The following DEPDC7 variants were observed in gnomAD, a reference collection of about 807,000 sequenced individuals.
DEPDC7 encodes DEP domain-containing protein 7.
Under a neutral mutation model 56.6 loss-of-function variants are expected in DEPDC7, and 41 were observed. The observed-to-expected ratio is 0.72, with a 90% confidence interval of 0.56 to 0.94. DEPDC7 has a LOEUF of 0.94. Among genes scored for constraint, DEPDC7 ranks in the 40% least tolerant of loss-of-function variants. The pLI, the probability that DEPDC7 is intolerant of heterozygous loss-of-function variation, is 0.00. For synonymous variants in DEPDC7, 185 were observed against 208.8 expected (o/e 0.89, Z 0.98); for missense variants, 522 against 596.3 (o/e 0.88, Z 1.30).
chr11:33,021,916 G>A (rs1235578656), intron 1 of DEPDC7, among the ~76,000 whole-genome samples: 1 of 152,134 alleles, frequency 6.6e-6, no homozygotes, highest in Non-Finnish European at 1.5e-5. Context: ...TAATTCTTCT[G>A]TGAAGATTAG....
At chr11:33,023,098 G>A (rs1242217493) in intron 1 of DEPDC7, among the ~76,000 whole-genome samples, 3 of 151,840 alleles carry the variant, frequency 2.0e-5, no homozygotes, top group Non-Finnish European at 2.9e-5. Context: ...GCGTGGTGGC[G>A]GGCACCTGTA....
At chr11:33,021,577 C>G (rs1395518621) in intron 1 of DEPDC7, among the ~76,000 whole-genome samples, 1 of 152,164 alleles carries the variant, frequency 6.6e-6, no homozygotes, top group Admixed American at 6.5e-5. Context: ...AGCAGGTTAT[C>G]CTGGTATGGG....
rs1853577452 is a variant in DEPDC7 at position 33,026,276 on chromosome 11, CT to C, written c.464+229del. The stretch of plus-strand genomic sequence containing the variant: ...CAGTCAACACACTTTGATTTTCCTG[CT>C]TCAGGTTATAGTTGCAGTGTAAAAA... On this transcript the variant is annotated intron_variant, in intron 2 of 8. Coordinates refer to ENST00000241051, the MANE Select transcript of DEPDC7 (RefSeq NM_001077242.2). The C allele has an allele frequency of 1.8e-5, 10 of 550,968 alleles. No individual in the cohort carries two copies. The Admixed American group carries it at 3.1e-4, about 17-fold the overall frequency. 34.1% of individuals were successfully genotyped at this position (550,968 alleles called of 1,614,324 possible). A position where few individuals can be genotyped will look rare whatever the true frequency, so the allele number is the denominator to read the frequency against.
At chr11:33,019,715 T>C (rs1853503546) in intron 1 of DEPDC7, among the ~76,000 whole-genome samples, 1 of 152,124 alleles carries the variant, frequency 6.6e-6, no homozygotes, top group South Asian at 2.1e-4. Flanking sequence ...AATTAACAAC[T>C]AACAAATATT....
At chr11:33,017,433 T>C (rs921863697) in intron 1 of DEPDC7, among the ~76,000 whole-genome samples, 9 of 152,122 alleles carry the variant, frequency 5.9e-5, no homozygotes, top group Non-Finnish European at 1.3e-4. Flanking sequence ...TTAGATGGTG[T>C]AAGGAAGTAT....
intron 2 of DEPDC7, 100 bp from the exon 3 acceptor site, chr11:33,027,586 C>T: frequency 2.7e-6 from 3 of 1,094,142 alleles, no homozygotes; most frequent in East Asian, 3.0e-5. Context: ...TGTGTTTTTG[C>T]TCTGAAATGC....
intron 1 of DEPDC7, among the ~76,000 whole-genome samples, chr11:33,017,457 A>G: frequency 6.6e-6 from 1 of 152,312 alleles, no homozygotes; most frequent in East Asian, 1.9e-4. Flanking sequence ...TTCAGAAATT[A>G]AGTAGATAAC....
At chr11:33,023,499 T>A (rs945220320) in intron 1 of DEPDC7, among the ~76,000 whole-genome samples, 7 of 152,202 alleles carry the variant, frequency 4.6e-5, no homozygotes, top group Non-Finnish European at 8.8e-5. Context: ...GACCCACTTA[T>A]AATTTATGGC....
intron 1 of DEPDC7, among the ~76,000 whole-genome samples, chr11:33,019,478 C>T (rs1173708575): frequency 6.6e-6 from 1 of 151,858 alleles, no homozygotes; most frequent in Non-Finnish European, 1.5e-5. Context: ...CCAGCCTGGC[C>T]AATGCGACAA....
At chr11:33,028,472 C>T in intron 3 of DEPDC7, 131 bp from the exon 4 acceptor site, 1 of 663,206 alleles carries the variant, frequency 1.5e-6, no homozygotes, top group Non-Finnish European at 2.4e-6. Flanking sequence ...TAAGAAAGCA[C>T]TTCGTAAGGT....
chr11:33,033,314 G>T lies in DEPDC7; in HGVS notation c.1395G>T (p.Glu465Asp). Residue 465 changes from glutamate (E) to aspartate (D), a missense_variant, in exon 9 of 9, where the codon GAG becomes GAT. Transcript: ENST00000241051. ...AACGTGACTATTCCAACAATACAGAGAAGACAACCAAAGATGAGCTGTTGA... is the reference window on the plus strand; with the variant it reads ...AACGTGACTATTCCAACAATACAGATAAGACAACCAAAGATGAGCTGTTGA... ...IDQRDYSNNT[E>D]KTTKDELLNL... The T allele has an allele frequency of 1.9e-6, 3 of 1,608,144 alleles. No individual in the cohort carries two copies. The highest frequency in any genetic ancestry group is 2.5e-6 in the Non-Finnish European group (3 of 1,178,258).
At chr11:33,024,822 G>A in intron 1 of DEPDC7, among the ~76,000 whole-genome samples, 1 of 151,714 alleles carries the variant, frequency 6.6e-6, no homozygotes, top group Non-Finnish European at 1.5e-5. Context: ...GTGTGTGTGT[G>A]TGTGTGTGTG....
rs1853578346 is a variant in DEPDC7 at position 33,026,381 on chromosome 11, G to A, written c.464+332G>A. The stretch of plus-strand genomic sequence containing the variant: ...CCAGATTGCGGTGGGAGAGAAGAAG[G>A]AATTATTTAAAGGGAAACTGGGGAG... On this transcript the variant is annotated intron_variant, in intron 2 of 8. Coordinates refer to ENST00000241051, the MANE Select transcript of DEPDC7 (RefSeq NM_001077242.2). 2 of 308,572 alleles carry A rather than the reference G, an allele frequency of 6.5e-6. 1 individual carries two copies. The highest frequency in any genetic ancestry group is 1.4e-4 in the East Asian group (2 of 14,682). 19.1% of individuals were successfully genotyped at this position (308,572 alleles called of 1,614,324 possible). A position where few individuals can be genotyped will look rare whatever the true frequency, so the allele number is the denominator to read the frequency against.
intron 2 of DEPDC7, among the ~76,000 whole-genome samples, chr11:33,027,125 T>C (rs1853587490): frequency 6.6e-6 from 1 of 152,214 alleles, no homozygotes. Context: ...TGTACATTTA[T>C]GTGGTTCACC....
At position 33,028,683 on chromosome 11, in the gene DEPDC7, A is replaced by C. The variant is rs1335522164; in HGVS notation, c.673A>C (p.Lys225Gln). Reference sequence around the variant, plus strand: ...CCTTCCACTTCTTGACTCCTTACTGAAACAGCAAGAGGCTGTACCTAAAAT... The same window carrying C: ...CCTTCCACTTCTTGACTCCTTACTGCAACAGCAAGAGGCTGTACCTAAAAT... ...VDLPLLDSLL[K>Q]QQEAVPKIPQ... The change falls in exon 4 of 9, where the codon AAA becomes CAA. Residue 225 changes from lysine to glutamine, a missense_variant. Physicochemically the swap from Lys to Gln is moderately conservative, Grantham distance 53. Transcript: ENST00000241051. 1 of 1,613,872 alleles carries C rather than the reference A, an allele frequency of 6.2e-7. No individual in the cohort carries two copies. The highest frequency in any genetic ancestry group is 8.5e-7 in the Non-Finnish European group (1 of 1,179,900).
chr11:33,028,724 G>T lies in DEPDC7; in HGVS notation c.714G>T (p.Arg238Ser), dbSNP rs1231089215. 6.2e-7 allele frequency: 1 copy of T among 1,613,942 alleles called. No homozygotes were observed. The highest frequency in any genetic ancestry group is 8.5e-7 in the Non-Finnish European group (1 of 1,179,970). Residue 238 changes from arginine to serine, a missense_variant, in exon 4 of 9, where the codon AGG becomes AGT. Coordinates refer to ENST00000241051, the MANE Select transcript of DEPDC7 (RefSeq NM_001077242.2). ...EAVPKIPQPK[R>S]QSTMVNSSNY... ...TACCTAAAATTCCTCAACCTAAGAG[G>T]CAGTCCACCATGGTCAACAGCAGTA...
In DEPDC7 at chr11:33,026,036, T is replaced by C. The variant is rs374632275; in HGVS notation, c.451T>C (p.Tyr151His). 4.1e-5 allele frequency: 66 copies of C among 1,613,880 alleles called. No homozygotes were observed. In the African/African-American group the frequency reaches 8.1e-4, roughly 20 times the overall value. Residue 151 changes from tyrosine to histidine, a missense_variant, in exon 2 of 9, where the codon TAT (tyrosine) becomes CAT (histidine). By Grantham distance (83) the Tyr-to-His change is moderately conservative. Coordinates refer to ENST00000241051, the MANE Select transcript of DEPDC7 (RefSeq NM_001077242.2). The stretch of plus-strand genomic sequence containing the variant: ...TCAGTTAGGCAAAGAGAACAAACTA[T>C]ATTCACCTGCCAGGTTGGTATATAA... ...DSQLGKENKL[Y>H]SPARYADALF...
intron 1 of DEPDC7, among the ~76,000 whole-genome samples, chr11:33,017,434 A>G (rs904467443): frequency 2.0e-5 from 3 of 152,168 alleles, no homozygotes; most frequent in Admixed American, 1.3e-4. Context: ...TAGATGGTGT[A>G]AGGAAGTATG....
intron 4 of DEPDC7, among the ~76,000 whole-genome samples, chr11:33,030,200 T>C (rs1853618370): frequency 6.6e-6 from 1 of 152,334 alleles, no homozygotes; most frequent in Non-Finnish European, 1.5e-5. Flanking sequence ...CCTTGTGATC[T>C]GTCCACCTTG....
Sources: allele counts gnomAD v4.1 joint callset (sites outside exome capture counted in the v4.1 genomes callset), GRCh38; gene constraint gnomAD v4.1.1; transcripts MANE v1.5; gene names NCBI Gene and HGNC (gene_info 2026-07-23, HGNC 2026-07-21).